Variants in RNF17 observed in about 807,000 individuals in gnomAD.
RNF17 encodes spermatogenesis associated 23.
Under a neutral mutation model 200.5 loss-of-function variants are expected in RNF17, and 31 were observed. The ratio of observed to expected loss-of-function variants is 0.15; its 90% CI spans 0.12 to 0.21. The LOEUF (loss-of-function observed/expected upper bound fraction) is 0.21. RNF17 is among the 10% of genes least tolerant of loss of function. RNF17 has a pLI of 1.00. For synonymous variants in RNF17, 606 were observed against 637.8 expected, an observed-to-expected ratio of 0.95 and a Z score of 0.75; for missense variants, 1,628 against 1,905.1, an observed-to-expected ratio of 0.85 and a Z score of 2.71.
chr13:24,793,812 A>C (rs1327690660), intron 10 of RNF17, among the ~76,000 whole-genome samples: 1 of 152,224 alleles, frequency 6.6e-6, no homozygotes, highest in African/African-American at 2.4e-5. Context: ...TTTCAATGTC[A>C]GTATTCTTTC....
At chr13:24,880,395 G>A (rs1953782666), downstream of RNF17, among the ~76,000 whole-genome samples, 1 of 152,104 alleles carries the variant, frequency 6.6e-6, no homozygotes, top group Admixed American at 6.6e-5. Flanking sequence ...CGAGATTTTG[G>A]GTGGGAACAC....
At chr13:24,800,184 C>CAG (rs3039483) in intron 12 of RNF17, among the ~76,000 whole-genome samples, 182 bp from the exon 13 acceptor site, 151,603 of 152,278 alleles carry the variant, frequency 1, 75,467 homozygotes, top group Middle Eastern at 1. Flanking sequence ...TGGAGGAAAA[C>CAG]TGTCTCTGCT....
intron 15 of RNF17, among the ~76,000 whole-genome samples, chr13:24,805,273 G>A (rs532230911): frequency 1.2e-4 from 19 of 152,196 alleles, no homozygotes; most frequent in Non-Finnish European, 2.5e-4. Context: ...GTGCCATTAA[G>A]GCCATTAAGT....
At position 24,861,339 on chromosome 13, in the gene RNF17, T is replaced by A. The variant is rs142822950; in HGVS notation, c.3846T>A (p.Pro1282=). ...ATCTTTACCCTATTTTGCTGTATCCTGATATACCCCAGTTTTGTATTCCTT... is the reference window on the plus strand; with the variant it reads ...ATCTTTACCCTATTTTGCTGTATCCAGATATACCCCAGTTTTGTATTCCTT... The part of the protein sequence containing the change: ...QCHLYPILLY[P]DIPQFCIPCQ... Residue 1282 remains proline, a synonymous_variant, in exon 27 of 36, where the codon CCT becomes CCA. Coordinates refer to ENST00000255324, the MANE Select transcript of RNF17 (RefSeq NM_031277.3). 26 of 1,585,238 alleles carry A rather than the reference T, an allele frequency of 1.6e-5. No homozygotes were observed. The African/African-American group carries it at 3.6e-4, about 22-fold the overall frequency.
chr13:24,799,281 A>G lies in RNF17; in HGVS notation c.1400-114A>G, dbSNP rs1884966207. 3 of 772,234 alleles carry G rather than the reference A, an allele frequency of 3.9e-6. No homozygotes were observed. The South Asian group carries it at 4.8e-5, about 12-fold the overall frequency. 47.8% of individuals were successfully genotyped at this position (772,234 alleles called of 1,614,324 possible). Reference sequence around the variant, plus strand: ...TAGCACTTGAACACAGTGCTATATCATCATTAAATAAACGAATTAAGACTT... The same window carrying G: ...TAGCACTTGAACACAGTGCTATATCGTCATTAAATAAACGAATTAAGACTT... On this transcript the variant is annotated intron_variant, in intron 11 of 35. Coordinates refer to ENST00000255324, the MANE Select transcript of RNF17 (RefSeq NM_031277.3).
At chr13:24,800,746 A>C (rs61949262) in intron 13 of RNF17, among the ~76,000 whole-genome samples, 22,472 of 152,202 alleles carry the variant, frequency 0.15, 1,710 homozygotes, top group African/African-American at 0.17. Flanking sequence ...GAATAAGCAT[A>C]TATTAACATA....
chr13:24,794,758 T>A (rs924949311), intron 10 of RNF17, among the ~76,000 whole-genome samples: 2 of 152,188 alleles, frequency 1.3e-5, no homozygotes, highest in African/African-American at 4.8e-5. Context: ...AGTCTTACTG[T>A]GTTGCCCAGG....
At chr13:24,782,147 A>T (rs1882466606) in intron 6 of RNF17, among the ~76,000 whole-genome samples, 1 of 152,094 alleles carries the variant, frequency 6.6e-6, no homozygotes, top group Admixed American at 6.6e-5. Flanking sequence ...GCTTTTAAAA[A>T]TTTTGCCTAT....
the RNF17 span, chr13:24,751,653 C>A: frequency 6.6e-6 from 1 of 152,194 alleles, no homozygotes; most frequent in Admixed American, 6.5e-5. Context: ...CATGAATCAA[C>A]ACACAGTTGT....
intron 15 of RNF17, 45 bp downstream of exon 15, chr13:24,804,474 T>G (rs1171009046): frequency 4.9e-6 from 7 of 1,442,632 alleles, no homozygotes; most frequent in Non-Finnish European, 6.6e-6. Flanking sequence ...TAAAAAAATT[T>G]TAATTAGACA....
intron 1 of RNF17, among the ~76,000 whole-genome samples, chr13:24,765,435 T>C (rs1374429681): frequency 2.6e-5 from 4 of 152,224 alleles, no homozygotes; most frequent in African/African-American, 4.8e-5. Flanking sequence ...CTGTTTAATG[T>C]TTATACTTTC....
At chr13:24,852,909 A>G (rs1220031273) in intron 24 of RNF17, among the ~76,000 whole-genome samples, 1 of 96,438 alleles carries the variant, frequency 1.0e-5, no homozygotes, top group African/African-American at 4.9e-5. Flanking sequence ...CTTTATTTCC[A>G]TTGATTGATT....
chr13:24,880,613 A>G (rs532819316), downstream of RNF17, among the ~76,000 whole-genome samples: 10 of 152,168 alleles, frequency 6.6e-5, no homozygotes, highest in Non-Finnish European at 1.2e-4. Context: ...TTTTACTGCT[A>G]TATCTGTGTA....
intron 2 of RNF17, among the ~76,000 whole-genome samples, chr13:24,770,778 A>G (rs1880544884): frequency 6.6e-6 from 1 of 152,230 alleles, no homozygotes. Context: ...ACCTTCATCT[A>G]TTCTCATGAA....
At chr13:24,833,129 G>A (rs1356099100) in intron 18 of RNF17, among the ~76,000 whole-genome samples, 1 of 152,108 alleles carries the variant, frequency 6.6e-6, no homozygotes, top group Non-Finnish European at 1.5e-5. Context: ...GAATAGTAGT[G>A]CAGGATACAT....
chr13:24,862,250 C>A (rs1893174117), intron 27 of RNF17, among the ~76,000 whole-genome samples: 1 of 152,182 alleles, frequency 6.6e-6, no homozygotes, highest in Non-Finnish European at 1.5e-5. Flanking sequence ...GAAGGATCAA[C>A]TGGGGACAGA....
At chr13:24,886,163 C>G in the RNF17 span, 1 of 499,858 alleles carries the variant, frequency 2.0e-6, no homozygotes, top group South Asian at 1.6e-5. Flanking sequence ...AGGTGAATCT[C>G]TCTCTAAAAA....
At chr13:24,757,011 G>A in the RNF17 span, among the ~76,000 whole-genome samples, 1 of 152,116 alleles carries the variant, frequency 6.6e-6, no homozygotes, top group Admixed American at 6.5e-5. Context: ...GGAAAAGAGG[G>A]TGCTGGAGGT....
At chr13:24,854,173 A>C (rs1322029640) in intron 25 of RNF17, 29 bp downstream of exon 25, 7 of 1,534,664 alleles carry the variant, frequency 4.6e-6, no homozygotes, top group Non-Finnish European at 6.2e-6. Flanking sequence ...TGTAGGCTCT[A>C]GTTCTCTAGT....
Sources: gnomAD v4.1 joint callset for allele counts (sites outside exome capture counted in the v4.1 genomes callset) on GRCh38, gnomAD v4.1.1 for gene constraint, MANE v1.5 for transcripts, NCBI Gene and HGNC (gene_info 2026-07-23, HGNC 2026-07-21) for gene names.